Variants in SLC8A2 observed in about 807,000 individuals in gnomAD.
SLC8A2 encodes the protein sodium/calcium exchanger 2.
Under a neutral mutation model 70.2 loss-of-function variants are expected in SLC8A2, and 14 were observed. The observed-to-expected ratio is 0.20, with a 90% CI of 0.13 to 0.31. The LOEUF (loss-of-function observed/expected upper bound fraction) is 0.31. SLC8A2 is among the 10% of genes least tolerant of loss of function. The pLI is 1.00. For missense variants in SLC8A2, 779 were observed against 1,320.1 expected, an observed-to-expected ratio of 0.59 and a Z score of 6.35; for synonymous variants, 575 against 594.3, an observed-to-expected ratio of 0.97 and a Z score of 0.47.
Position 47,429,377 on chromosome 19 carries a change from G to C in SLC8A2, c.*712C>G, listed in dbSNP as rs535942386. On this transcript the variant is annotated 3_prime_UTR_variant, in exon 10 of 10. Coordinates refer to ENST00000236877, the MANE Select transcript of SLC8A2 (RefSeq NM_015063.3). ...TAGTGGAGGGCGAGTGGGGGAGCTGGAATGTCTGAAGTTGCAGGTTCAAAA... is the reference window on the plus strand; with the variant it reads ...TAGTGGAGGGCGAGTGGGGGAGCTGCAATGTCTGAAGTTGCAGGTTCAAAA... 2 of 153,178 alleles carry C rather than the reference G, an allele frequency of 1.3e-5. No individual in the cohort carries two copies. The highest frequency in any genetic ancestry group is 1.9e-4 in the East Asian group (1 of 5,180). 9.5% of individuals were successfully genotyped at this position (153,178 alleles called of 1,614,324 possible).
In SLC8A2 at chr19:47,446,429, TG is replaced by T. The variant is rs1302200436; in HGVS notation, c.1763+1379del. Among the ~76,000 whole-genome samples, 7 of 152,228 alleles carry T rather than the reference TG, an allele frequency of 4.6e-5. No homozygotes were observed. The East Asian group carries it at 1.4e-3, about 29-fold the overall frequency. On this transcript the variant is annotated intron_variant, in intron 4 of 9. Coordinates refer to ENST00000236877, the MANE Select transcript of SLC8A2 (RefSeq NM_015063.3). ...GTCCGTGATTTTATGTGTGTCTGCGTGTTTTTTTTCTTTTTTTGAGACAGGG... is the reference window on the plus strand; with the variant it reads ...GTCCGTGATTTTATGTGTGTCTGCGTTTTTTTTTCTTTTTTTGAGACAGGG...
At chr19:47,443,185 G>T (rs1426864720) in intron 4 of SLC8A2, among the ~76,000 whole-genome samples, 4 of 152,102 alleles carry the variant, frequency 2.6e-5, no homozygotes, top group African/African-American at 9.7e-5. Flanking sequence ...CAATCCTTCA[G>T]CACAGAAAAC....
intron 8 of SLC8A2, among the ~76,000 whole-genome samples, chr19:47,436,615 G>A (rs2122616132): frequency 6.6e-6 from 1 of 152,280 alleles, no homozygotes; most frequent in South Asian, 2.1e-4. Context: ...AAGAGCTGGG[G>A]CCTTAACCCT....
rs1967447623 is a variant in SLC8A2, at chr19:47,465,641, A to C, written c.675+88T>G. 4.4e-6 allele frequency: 5 copies of C among 1,123,904 alleles called. No homozygotes were observed. The highest frequency in any genetic ancestry group is 6.3e-6 in the Non-Finnish European group (5 of 793,936). 69.6% of individuals were successfully genotyped at this position (1,123,904 alleles called of 1,614,324 possible). ...GATGTGAGTGTGCATTTCTGCAAAT[A>C]CAGCAATCAACACTCCAAGCCAAGA... On this transcript the variant is annotated intron_variant, in intron 2 of 9. Coordinates refer to ENST00000236877, the MANE Select transcript of SLC8A2 (RefSeq NM_015063.3). The surrounding 1 kb of genome is among the most constrained non-coding windows in gnomAD (Gnocchi z 5.5).
chr19:47,465,297 G>A lies in SLC8A2; in HGVS notation c.675+432C>T, dbSNP rs970976229. On this transcript the variant is annotated intron_variant, in intron 2 of 9. Transcript: ENST00000236877. This position sits in a 1 kb window ranked among gnomAD's most constrained non-coding sequence, Gnocchi z 5.5. The stretch of plus-strand genomic sequence containing the variant: ...ATGGAGGATGTCTTATTGCAAAAGC[G>A]GGAATCAGTTATGCAAAAGGTAGGG... 2.0e-5 allele frequency among the ~76,000 whole-genome samples: 3 copies of A among 152,176 alleles called. No homozygotes were observed. Among genetic ancestry groups the A allele is most frequent in the African/African-American group, 4.8e-5 (2 of 41,448 alleles).
At position 47,457,182 on chromosome 19, in the gene SLC8A2, C is replaced by G; in HGVS notation, c.1088G>C (p.Gly363Ala). Residue 363 changes from glycine (G) to alanine (A), a missense_variant, in exon 3 of 10, where the codon GGC (glycine) becomes GCC (alanine). By Grantham distance (60) the Gly-to-Ala change is moderately conservative (BLOSUM62 0). This residue lies in a region of SLC8A2 where 186 missense variants were observed against 246.6 expected (regional missense o/e 0.75). Coordinates refer to ENST00000236877, the MANE Select transcript of SLC8A2 (RefSeq NM_015063.3). ...YRIQATRLMT[G>A]AGNVLRRHAA... is the part of the protein sequence containing the mutation. ...GTGTCTGCGCAGCACGTTCCCGGCG[C>G]CGGTCATCAGCCGCGTGGCCTGGAT... is the stretch of plus-strand genomic sequence containing the variant. The G allele has an allele frequency of 6.5e-7, 1 of 1,544,696 alleles. No individual in the cohort carries two copies. Among genetic ancestry groups the G allele is most frequent in the Non-Finnish European group, 8.7e-7 (1 of 1,145,132 alleles).
chr19:47,456,682 G>T (rs1184390285), intron 3 of SLC8A2, among the ~76,000 whole-genome samples: 1 of 152,220 alleles, frequency 6.6e-6, no homozygotes, highest in African/African-American at 2.4e-5. Context: ...CAAAAACCCA[G>T]AGGTAGATAA....
rs147198367 is a variant in SLC8A2 at position 47,430,410 on chromosome 19, G to A, written c.2445C>T (p.Ile815=). The A allele has an allele frequency of 6.2e-6, 10 of 1,609,070 alleles. No individual in the cohort carries two copies. The African/African-American group carries it at 1.2e-4, about 19-fold the overall frequency. The change falls in exon 10 of 10, where the codon ATC becomes ATT. Residue 815 remains isoleucine (I), a synonymous_variant. Coordinates refer to ENST00000236877, the MANE Select transcript of SLC8A2 (RefSeq NM_015063.3). This position sits in a 1 kb window ranked among gnomAD's most constrained non-coding sequence, Gnocchi z 5.9. ...ALQDQCADAS[I]GNVTGSNAVN... is the part of the protein sequence containing the mutation. ...CCGCGTTGGAGCCGGTCACGTTGCC[G>A]ATGGACGCGTCGGCGCACTGGTCCT...
intron 3 of SLC8A2, among the ~76,000 whole-genome samples, chr19:47,449,730 G>A (rs537849321): frequency 2.2e-4 from 34 of 152,266 alleles, no homozygotes; most frequent in African/African-American, 8.2e-4. Context: ...TCACCTCTTC[G>A]AGGAACTGCA....
At chr19:47,451,570 A>G (rs906349733) in intron 3 of SLC8A2, among the ~76,000 whole-genome samples, 1 of 152,244 alleles carries the variant, frequency 6.6e-6, no homozygotes, top group Admixed American at 6.5e-5. Context: ...TGGGCTCCCA[A>G]AGTGCTGGGA....
intron 8 of SLC8A2, among the ~76,000 whole-genome samples, chr19:47,434,348 C>T (rs1045845589): frequency 3.3e-5 from 5 of 152,220 alleles, no homozygotes; most frequent in African/African-American, 9.7e-5. Context: ...CTGCTCCCCT[C>T]TACAGGGAGG....
At chr19:47,470,931 G>A (rs192411135) in intron 1 of SLC8A2, among the ~76,000 whole-genome samples, 41 of 152,112 alleles carry the variant, frequency 2.7e-4, no homozygotes, top group Non-Finnish European at 4.3e-4. Flanking sequence ...GGAGTTTAGA[G>A]GACTCCAGGC....
intron 2 of SLC8A2, among the ~76,000 whole-genome samples, chr19:47,463,679 CAAA>C (rs200422472): frequency 1.2e-4 from 15 of 120,090 alleles, no homozygotes; most frequent in Admixed American, 1.8e-4. Context: ...GACTCTGTCT[CAAA>C]AAAAAAAAAA....
intron 2 of SLC8A2, among the ~76,000 whole-genome samples, chr19:47,458,522 C>T (rs1413816449): frequency 2.1e-5 from 3 of 145,352 alleles, no homozygotes; most frequent in Non-Finnish European, 4.5e-5. Flanking sequence ...CTCCTCATTT[C>T]TCTCTCCTTT....
chr19:47,436,816 C>T (rs1967035227), intron 8 of SLC8A2, among the ~76,000 whole-genome samples: 1 of 152,108 alleles, frequency 6.6e-6, no homozygotes, highest in African/African-American at 2.4e-5. Flanking sequence ...CACAAGGGGG[C>T]AGTGTGGGCC....
intron 7 of SLC8A2, 102 bp downstream of exon 7, chr19:47,437,746 CT>C (rs1967048799): frequency 6.9e-7 from 1 of 1,441,072 alleles, no homozygotes; most frequent in African/African-American, 1.4e-5. Flanking sequence ...TGGGACCCTT[CT>C]TTGGCTTGAT....
At position 47,457,489 on chromosome 19, in the gene SLC8A2, G is replaced by T; in HGVS notation, c.781C>A (p.Arg261Ser). The T allele has an allele frequency of 6.2e-7, 1 of 1,609,242 alleles. No homozygotes were observed. Among genetic ancestry groups the T allele is most frequent in the Non-Finnish European group, 8.5e-7 (1 of 1,178,516 alleles). ...LFYKYVYKRY[R>S]TDPRSGIIIG... ...ATGATGCCGCTGCGTGGGTCGGTGC[G>T]GTAGCGCTTGTACACGTACTTGTAG... is the stretch of plus-strand genomic sequence containing the variant. Residue 261 changes from arginine (R) to serine (S), a missense_variant, in exon 3 of 10, where the codon CGC becomes AGC. Physicochemically the swap from Arg to Ser is moderately radical, Grantham distance 110. Coordinates refer to ENST00000236877, the MANE Select transcript of SLC8A2 (RefSeq NM_015063.3).
chr19:47,455,021 A>G lies in SLC8A2; in HGVS notation c.1340+1909T>C, dbSNP rs900741363. 1.1e-4 allele frequency among the ~76,000 whole-genome samples: 17 copies of G among 152,180 alleles called. 1 individual carries two copies. Among genetic ancestry groups the G allele is most frequent in the African/African-American group, 3.6e-4 (15 of 41,436 alleles). On this transcript the variant is annotated intron_variant, in intron 3 of 9. Coordinates refer to ENST00000236877, the MANE Select transcript of SLC8A2 (RefSeq NM_015063.3). ...AGAATCATTTGAACCTGGAAGGTGAAGGTTGCAGTGAGCCGAGATCGTACC... is the reference window on the plus strand; with the variant it reads ...AGAATCATTTGAACCTGGAAGGTGAGGGTTGCAGTGAGCCGAGATCGTACC...
chr19:47,458,777 T>C (rs549165080), intron 2 of SLC8A2, among the ~76,000 whole-genome samples: 1 of 151,440 alleles, frequency 6.6e-6, no homozygotes, highest in African/African-American at 2.4e-5. Flanking sequence ...TCTCAATACC[T>C]GTGTTTCTCC....
Sources: allele counts gnomAD v4.1 joint callset (sites outside exome capture counted in the v4.1 genomes callset), GRCh38; gene constraint gnomAD v4.1.1; regional missense constraint gnomAD v4.1.1; non-coding constraint Gnocchi (gnomAD v3.1); transcripts MANE v1.5; gene names NCBI Gene and HGNC (gene_info 2026-07-23, HGNC 2026-07-21).